Variants in C1QTNF7 observed in about 807,000 individuals in gnomAD.
C1QTNF7 encodes the protein complement C1q tumor necrosis factor-related protein 7.
C1QTNF7 carries 15 observed loss-of-function variants against 19.6 expected under a neutral mutation model. The ratio of observed to expected loss-of-function variants is 0.76; its 90% CI spans 0.51 to 1.18. C1QTNF7 has a LOEUF of 1.18. Among genes scored for constraint, C1QTNF7 ranks in the 50% most tolerant of loss-of-function variants. The probability of loss-of-function intolerance (pLI) is 0.00; values close to 1 mark genes in which losing one functional copy is unlikely to be tolerated. For synonymous variants in C1QTNF7, 142 were observed against 137.5 expected (o/e 1.03, Z -0.23); for missense variants, 324 against 359.7 (o/e 0.90, Z 0.80).
chr4:15,442,257 G>A lies in C1QTNF7; in HGVS notation c.328G>A (p.Gly110Arg), dbSNP rs772492592. Residue 110 changes from glycine (G) to arginine (R), a missense_variant, in exon 3 of 3, where the codon GGA (glycine) becomes AGA (arginine). Physicochemically the swap from Gly to Arg is moderately radical, Grantham distance 125 (BLOSUM62 -2). Coordinates refer to ENST00000444304, the MANE Select transcript of C1QTNF7 (RefSeq NM_031911.5). ...GAAGAAAGGACCCATAGGACCAGAG[G>A]GAGAGAAAGGAGAAGTAGGTCCAAT... Reference protein sequence around the residue: ...TGKKGPIGPEGEKGEVGPIGP... With the variant: ...TGKKGPIGPEREKGEVGPIGP... 6.2e-6 allele frequency: 10 copies of A among 1,614,118 alleles called. No individual in the cohort carries two copies. In the South Asian group the frequency reaches 9.9e-5, roughly 16 times the overall value.
chr4:15,375,121 C>CTAACT (rs1401494998), intron 1 of C1QTNF7, among the ~76,000 whole-genome samples: 1 of 151,800 alleles, frequency 6.6e-6, no homozygotes, highest in East Asian at 1.9e-4. Context: ...GTCTCTGTAA[C>CTAACT]CCTACTCTGA....
intron 1 of C1QTNF7, among the ~76,000 whole-genome samples, chr4:15,408,971 T>G (rs1363586781): frequency 6.6e-6 from 1 of 152,150 alleles, no homozygotes; most frequent in Non-Finnish European, 1.5e-5. Flanking sequence ...TTTATAGCAG[T>G]ATCTTGGTAG....
At chr4:15,345,079 A>T (rs1716670962) in intron 1 of C1QTNF7, among the ~76,000 whole-genome samples, 1 of 152,250 alleles carries the variant, frequency 6.6e-6, no homozygotes. Flanking sequence ...TATAAACACG[A>T]GTCTGCAAGA....
intron 1 of C1QTNF7, among the ~76,000 whole-genome samples, chr4:15,394,231 T>C (rs1011209418): frequency 1.3e-5 from 2 of 152,190 alleles, no homozygotes; most frequent in Non-Finnish European, 2.9e-5. Flanking sequence ...CAAGGGATGA[T>C]AAGAGGAGCT....
Position 15,442,590 on chromosome 4 carries a change from T to C in C1QTNF7, c.661T>C (p.Phe221Leu), listed in dbSNP as rs374728949. Residue 221 changes from phenylalanine to leucine, a missense_variant, in exon 3 of 3, where the codon TTC (phenylalanine) becomes CTC (leucine). Transcript: ENST00000444304. ...CAATGGGCAATACCGGATAAAGACCTTCGACGCCAACACAGGAAACCATGA... is the reference window on the plus strand; with the variant it reads ...CAATGGGCAATACCGGATAAAGACCCTCGACGCCAACACAGGAAACCATGA... ...VHNGQYRIKT[F>L]DANTGNHDVA... 1.2e-6 allele frequency: 2 copies of C among 1,614,144 alleles called. No homozygotes were observed. Among genetic ancestry groups the C allele is most frequent in the Non-Finnish European group, 1.7e-6 (2 of 1,180,022 alleles).
chr4:15,349,648 G>C (rs1716838403), intron 1 of C1QTNF7, among the ~76,000 whole-genome samples: 1 of 152,100 alleles, frequency 6.6e-6, no homozygotes, highest in African/African-American at 2.4e-5. Context: ...AAAGTGACCC[G>C]TGTATTCTCT....
At chr4:15,362,237 G>A (rs535802113) in intron 1 of C1QTNF7, among the ~76,000 whole-genome samples, 1 of 152,188 alleles carries the variant, frequency 6.6e-6, no homozygotes, top group East Asian at 1.9e-4. Flanking sequence ...TGTATAAAGA[G>A]CTGACCTGGG....
intron 1 of C1QTNF7, among the ~76,000 whole-genome samples, chr4:15,348,475 C>G (rs573874519): frequency 6.6e-6 from 1 of 152,268 alleles, no homozygotes; most frequent in Non-Finnish European, 1.5e-5. Flanking sequence ...GATATGTTAT[C>G]AGCAAGACAT....
chr4:15,388,762 G>C (rs949327220), intron 1 of C1QTNF7, among the ~76,000 whole-genome samples: 2 of 152,212 alleles, frequency 1.3e-5, no homozygotes, highest in South Asian at 2.1e-4. Flanking sequence ...AAATCACTGA[G>C]AGTTATGACA....
chr4:15,406,765 T>A (rs733388), intron 1 of C1QTNF7, among the ~76,000 whole-genome samples: 10,448 of 152,122 alleles, frequency 0.069, 1,146 homozygotes, highest in African/African-American at 0.23. Flanking sequence ...TGATCATATA[T>A]AGTAAGAGAT....
chr4:15,419,212 T>G (rs1433418145), intron 1 of C1QTNF7, among the ~76,000 whole-genome samples: 1 of 152,204 alleles, frequency 6.6e-6, no homozygotes, highest in African/African-American at 2.4e-5. Context: ...ATACAGACCT[T>G]TTGATCCAAT....
chr4:15,403,212 C>T (rs1253831742), intron 1 of C1QTNF7, among the ~76,000 whole-genome samples: 2 of 152,172 alleles, frequency 1.3e-5, no homozygotes, highest in Non-Finnish European at 2.9e-5. Context: ...GCCCTTCCCT[C>T]TTGGAGTCAG....
chr4:15,398,633 C>T (rs1718875769), intron 1 of C1QTNF7, among the ~76,000 whole-genome samples: 1 of 152,206 alleles, frequency 6.6e-6, no homozygotes, highest in Non-Finnish European at 1.5e-5. Flanking sequence ...GAACATTCCC[C>T]TGAGGCAGCA....
chr4:15,384,832 A>C (rs919746188), intron 1 of C1QTNF7, among the ~76,000 whole-genome samples: 1 of 152,220 alleles, frequency 6.6e-6, no homozygotes, highest in Non-Finnish European at 1.5e-5. Context: ...CAGGCAGACC[A>C]GAGCAAGTAG....
chr4:15,358,444 G>A (rs1577233222), intron 1 of C1QTNF7: 1 of 152,142 alleles, frequency 6.6e-6, no homozygotes. Flanking sequence ...TGGTGGATAA[G>A]CTTTTTGATG....
intron 1 of C1QTNF7, among the ~76,000 whole-genome samples, chr4:15,420,314 C>G (rs975130616): frequency 2.0e-5 from 3 of 152,194 alleles, no homozygotes; most frequent in Non-Finnish European, 4.4e-5. Flanking sequence ...CTTCAGTTTT[C>G]AAGAAATTGC....
intron 1 of C1QTNF7, among the ~76,000 whole-genome samples, chr4:15,386,827 A>T (rs528334786): frequency 6.6e-6 from 1 of 152,284 alleles, no homozygotes; most frequent in South Asian, 2.1e-4. Flanking sequence ...CCAGAGTTGA[A>T]GAAGTAGAAT....
upstream of C1QTNF7, among the ~76,000 whole-genome samples, chr4:15,423,479 T>C (rs1056659767): frequency 4.6e-5 from 7 of 152,228 alleles, no homozygotes; most frequent in Non-Finnish European, 8.8e-5. Flanking sequence ...AGATTCAGTT[T>C]AGAAACCAAA....
rs764617258 is a variant in C1QTNF7 at position 15,435,788 on chromosome 4, T to G, written c.45T>G (p.Ser15Arg). The change falls in exon 2 of 3, where the codon AGT (serine) becomes AGG (arginine). Residue 15 changes from serine to arginine, a missense_variant. Transcript: ENST00000444304. ...TTACAAGTTTTGCCATTTGTGCCAG[T>G]GGACAACCCCGGGGTAATCAGTTGA... ...LYVTSFAICA[S>R]GQPRGNQLKG... The G allele has an allele frequency of 3.7e-5, 59 of 1,614,024 alleles. No individual in the cohort carries two copies. Among genetic ancestry groups the G allele is most frequent in the Non-Finnish European group, 4.8e-5 (57 of 1,180,032 alleles).
Sources: gnomAD v4.1 joint callset for allele counts (sites outside exome capture counted in the v4.1 genomes callset) on GRCh38, gnomAD v4.1.1 for gene constraint, MANE v1.5 for transcripts, NCBI Gene and HGNC (gene_info 2026-07-23, HGNC 2026-07-21) for gene names.